MYOM1: variants seen among roughly 807,000 people sequenced by gnomAD.
MYOM1 encodes the protein myomesin 1, also known as myomesin-1.
In MYOM1, 164 loss-of-function variants were observed where a neutral mutation model predicts 205.3. The observed-to-expected ratio is 0.80, with a 90% CI of 0.70 to 0.91. MYOM1 has a LOEUF of 0.91. Ranked by LOEUF, MYOM1 falls within the 40% of genes least tolerant of loss-of-function variation. MYOM1 has a pLI of 0.00. For missense variants in MYOM1, 2,011 were observed against 2,127.3 expected, an observed-to-expected ratio of 0.95 and a Z score of 1.08; for synonymous variants, 772 against 789.4, an observed-to-expected ratio of 0.98 and a Z score of 0.37.
intron 15 of MYOM1, 58 bp from the exon 16 acceptor site, chr18:3,134,882 A>T: frequency 6.5e-7 from 1 of 1,540,022 alleles, no homozygotes; most frequent in Non-Finnish European, 9.0e-7. Context: ...CATCCTTATC[A>T]TCTATGCACA....
chr18:3,123,118 G>GC (rs541175702), intron 19 of MYOM1, among the ~76,000 whole-genome samples: 10 of 152,110 alleles, frequency 6.6e-5, no homozygotes, highest in Non-Finnish European at 1.2e-4. Flanking sequence ...GAGCCACCAT[G>GC]CCCCCAGCAC....
At chr18:3,090,332 GCCTC>G (rs1433860771) in intron 27 of MYOM1, among the ~76,000 whole-genome samples, 3 of 148,596 alleles carry the variant, frequency 2.0e-5, no homozygotes, top group African/African-American at 7.5e-5. Flanking sequence ...TGATTCTCAT[GCCTC>G]AGCCTCCCAA....
chr18:3,129,903 G>A (rs1036626910), intron 17 of MYOM1, among the ~76,000 whole-genome samples: 2 of 152,092 alleles, frequency 1.3e-5, no homozygotes, highest in African/African-American at 4.8e-5. Flanking sequence ...AAGTGCACAA[G>A]AGACATCATA....
chr18:3,139,537 A>G (rs2080020241), intron 14 of MYOM1, among the ~76,000 whole-genome samples: 2 of 152,242 alleles, frequency 1.3e-5, no homozygotes, highest in South Asian at 4.1e-4. Flanking sequence ...CAGACGCAGC[A>G]GGGACAGGAG....
intron 22 of MYOM1, among the ~76,000 whole-genome samples, chr18:3,107,112 G>A (rs1318885434): frequency 2.0e-5 from 3 of 151,964 alleles, no homozygotes; most frequent in African/African-American, 7.3e-5. Context: ...TGGCACTTAA[G>A]GTTTAAAAAT....
Position 3,134,591 on chromosome 18 carries a change from G to A in MYOM1, c.2384+59C>T, listed in dbSNP as rs1437769072. 3.8e-5 allele frequency: 57 copies of A among 1,501,412 alleles called. 1 individual carries two copies. Among genetic ancestry groups the A allele is most frequent in the Non-Finnish European group, 4.8e-5 (54 of 1,116,898 alleles). 93.0% of individuals were successfully genotyped at this position (1,501,412 alleles called of 1,614,324 possible). On this transcript the variant is annotated intron_variant, in intron 16 of 37. Transcript: ENST00000356443. ...CTCCTCCATTGGATGTCTGTGTGCCGTATGTGTCTATGGCAGCTCCAGAGG... is the reference window on the plus strand; with the variant it reads ...CTCCTCCATTGGATGTCTGTGTGCCATATGTGTCTATGGCAGCTCCAGAGG...
chr18:3,221,688 C>T (rs1374324722), upstream of MYOM1, among the ~76,000 whole-genome samples: 1 of 152,206 alleles, frequency 6.6e-6, no homozygotes, highest in Non-Finnish European at 1.5e-5. Flanking sequence ...TACGGGTCTT[C>T]ACTTGTAATA....
At chr18:3,178,211 A>T (rs2080677345) in intron 5 of MYOM1, among the ~76,000 whole-genome samples, 1 of 152,250 alleles carries the variant, frequency 6.6e-6, no homozygotes, top group Admixed American at 6.5e-5. Context: ...AGAATTGACT[A>T]TGAGCCAGGC....
intron 1 of MYOM1, among the ~76,000 whole-genome samples, chr18:3,215,755 G>T (rs950353893): frequency 5.3e-5 from 8 of 151,846 alleles, no homozygotes; most frequent in African/African-American, 1.9e-4. Flanking sequence ...AAAAAAAATT[G>T]TATCTAGGAG....
At chr18:3,081,652 G>A (rs2143671234) in intron 33 of MYOM1, among the ~76,000 whole-genome samples, 1 of 152,206 alleles carries the variant, frequency 6.6e-6, no homozygotes, top group Non-Finnish European at 1.5e-5. Context: ...TGATATATTA[G>A]AATGTCCTAG....
intron 5 of MYOM1, among the ~76,000 whole-genome samples, chr18:3,180,814 A>G (rs141659122): frequency 1.3e-5 from 2 of 152,198 alleles, no homozygotes; most frequent in East Asian, 3.9e-4. Flanking sequence ...TGTTGGGCCG[A>G]GTTTATAGTA....
chr18:3,147,140 A>AT lies in MYOM1; in HGVS notation c.1900+2004_1900+2005insA, dbSNP rs1491229534. Among the ~76,000 whole-genome samples the AT allele has an allele frequency of 9.6e-3, 1,381 of 143,656 alleles. 18 individuals carry two copies. The highest frequency in any genetic ancestry group is 0.034 in the African/African-American group (1,304 of 38,196). 94.2% of individuals were successfully genotyped at this position (143,656 alleles called of 152,430 possible). A position where few individuals can be genotyped will look rare whatever the true frequency, so the allele number is the denominator to read the frequency against. ...TATATAAATATTATATATTATAGAT[A>AT]AATATATATATTATATAGAAATATA... On this transcript the variant is annotated intron_variant, in intron 13 of 37. Coordinates refer to ENST00000356443, the MANE Select transcript of MYOM1 (RefSeq NM_003803.4).
chr18:3,234,630 C>T, the MYOM1 span, among the ~76,000 whole-genome samples: 9 of 152,172 alleles, frequency 5.9e-5, no homozygotes, highest in Admixed American at 2.0e-4. Flanking sequence ...GAGTGGGCGG[C>T]GATTCTCACA....
chr18:3,088,671 T>C (rs1307417999), intron 29 of MYOM1, among the ~76,000 whole-genome samples: 1 of 152,178 alleles, frequency 6.6e-6, no homozygotes, highest in East Asian at 1.9e-4. Context: ...ATAGAATTTT[T>C]TTTTCCTGAA....
chr18:3,117,673 A>T (rs1268957571), intron 20 of MYOM1, among the ~76,000 whole-genome samples: 1 of 151,484 alleles, frequency 6.6e-6, no homozygotes, highest in African/African-American at 2.4e-5. Flanking sequence ...TTTTTTTTTT[A>T]AATAACAACT....
rs181533151 is a variant in MYOM1 at position 3,105,005 on chromosome 18, G to A, written c.3419-2375C>T. On this transcript the variant is annotated intron_variant, in intron 22 of 37. Coordinates refer to ENST00000356443, the MANE Select transcript of MYOM1 (RefSeq NM_003803.4). ...CTCAAGTGATCCACCCGCCTTGGCC[G>A]CCCAAAGTGCTGGGATTACAGACAT... is the stretch of plus-strand genomic sequence containing the variant. 3.6e-3 allele frequency among the ~76,000 whole-genome samples: 543 copies of A among 151,986 alleles called. 2 individuals are homozygous for A. The highest frequency in any genetic ancestry group is 0.012 in the African/African-American group (514 of 41,472).
At position 3,168,990 on chromosome 18, in the gene MYOM1, A is replaced by G. The variant is rs940458777; in HGVS notation, c.1175-9T>C. ...ATATGGGGTCACACCAACTGGGTAC[A>G]AAAATAACAAATATCAGTAATTTTT... On this transcript the variant is annotated splice_polypyrimidine_tract_variant and intron_variant, in intron 8 of 37. Coordinates refer to ENST00000356443, the MANE Select transcript of MYOM1 (RefSeq NM_003803.4). 6.2e-7 allele frequency: 1 copy of G among 1,603,306 alleles called. No homozygotes were observed. Among genetic ancestry groups the G allele is most frequent in the African/African-American group, 1.3e-5 (1 of 74,672 alleles).
At chr18:3,233,309 C>G in the MYOM1 span, among the ~76,000 whole-genome samples, 1 of 152,204 alleles carries the variant, frequency 6.6e-6, no homozygotes, top group East Asian at 1.9e-4. Context: ...ACTTTTTCTA[C>G]TACTTTTGTT....
At chr18:3,117,448 T>A (rs12964964) in intron 20 of MYOM1, among the ~76,000 whole-genome samples, 126,426 of 152,144 alleles carry the variant, frequency 0.83, 53,593 homozygotes, top group East Asian at 0.97. Flanking sequence ...TACCTTACAT[T>A]CATTTATCTC....
Sources: gnomAD v4.1 joint callset for allele counts (sites outside exome capture counted in the v4.1 genomes callset) on GRCh38, gnomAD v4.1.1 for gene constraint, MANE v1.5 for transcripts, NCBI Gene and HGNC (gene_info 2026-07-23, HGNC 2026-07-21) for gene names.